Variants in KLC1 observed in about 807,000 individuals in gnomAD.
KLC1 encodes the protein kinesin light chain 1.
In KLC1, 30 loss-of-function variants were observed where a neutral mutation model predicts 84.2. The ratio of observed to expected loss-of-function variants is 0.36; its 90% confidence interval spans 0.27 to 0.48. The LOEUF (loss-of-function observed/expected upper bound fraction) is 0.48. Among genes scored for constraint, KLC1 ranks in the 20% least tolerant of loss-of-function variants. The probability of loss-of-function intolerance (pLI) is 0.99; values close to 1 mark genes in which losing one functional copy is unlikely to be tolerated. For synonymous variants in KLC1, 289 were observed against 293.3 expected (o/e 0.99, Z 0.15); for missense variants, 499 against 805.4 (o/e 0.62, Z 4.60).
At position 103,662,100 on chromosome 14, in the gene KLC1, TG is replaced by T; in HGVS notation, c.493-13del. ...GCACGTGTAAGATGAAGTGTTGTCCTGGGTCTGTTTTATAGGAGGACAAAGA... is the reference window on the plus strand; with the variant it reads ...GCACGTGTAAGATGAAGTGTTGTCCTGGTCTGTTTTATAGGAGGACAAAGA... On this transcript the variant is annotated splice_polypyrimidine_tract_variant and intron_variant, in intron 3 of 16. Coordinates refer to ENST00000334553, the MANE Select transcript of KLC1 (RefSeq NM_001394837.1). 2.5e-6 allele frequency: 4 copies of T among 1,597,024 alleles called. No homozygotes were observed. In the South Asian group the frequency reaches 4.4e-5, roughly 18 times the overall value.
intron 1 of KLC1, among the ~76,000 whole-genome samples, chr14:103,637,550 C>T (rs980851102): frequency 5.9e-5 from 9 of 151,698 alleles, no homozygotes; most frequent in South Asian, 2.1e-4. Context: ...AAGAAATTTT[C>T]GCAGGGTTTA....
In KLC1 at chr14:103,685,027, G is replaced by T. The variant is rs1346280138; in HGVS notation, c.1651-2054G>T. 1.2e-5 allele frequency: 17 copies of T among 1,468,124 alleles called. No individual in the cohort carries two copies. The South Asian group carries it at 2.1e-4, about 18-fold the overall frequency. 90.9% of individuals were successfully genotyped at this position (1,468,124 alleles called of 1,614,324 possible). On this transcript the variant is annotated intron_variant, in intron 13 of 16. Transcript: ENST00000334553. ...TCGGGCTGGTTAACTGACTTGCTCA[G>T]CGTCCCATGGTGAGTCCGAGCGGGC... is the stretch of plus-strand genomic sequence containing the variant.
In KLC1 at chr14:103,673,439, A is replaced by T. The variant is rs781014694; in HGVS notation, c.1261+8A>T. The T allele has an allele frequency of 6.6e-7, 1 of 1,518,386 alleles. No individual in the cohort carries two copies. Among genetic ancestry groups the T allele is most frequent in the East Asian group, 2.3e-5 (1 of 44,068 alleles). The allele number at this position is 1,518,386 out of a possible 1,614,324, so 94.1% of individuals were successfully genotyped here. ...AGTTTGGTTCTGTAGATGGTAAGAA[A>T]TATACTCCCGTTTCAAGTGAATTTA... On this transcript the variant is annotated splice_region_variant and intron_variant, in intron 9 of 16. Coordinates refer to ENST00000334553, the MANE Select transcript of KLC1 (RefSeq NM_001394837.1).
At chr14:103,696,231 C>G in intron 15 of KLC1, 1 of 985,326 alleles carries the variant, frequency 1.0e-6, no homozygotes, top group African/African-American at 1.7e-5. Context: ...AATCAGGCCC[C>G]TGGGGAAGTC....
intron 13 of KLC1, among the ~76,000 whole-genome samples, chr14:103,681,256 G>A (rs2151775224): frequency 6.6e-6 from 1 of 152,290 alleles, no homozygotes; most frequent in Non-Finnish European, 1.5e-5. Flanking sequence ...ATTATCCAGT[G>A]CAGTGGTTCC....
intron 1 of KLC1, among the ~76,000 whole-genome samples, chr14:103,650,844 G>A (rs2078376059): frequency 6.6e-6 from 1 of 151,928 alleles, no homozygotes; most frequent in African/African-American, 2.4e-5. Flanking sequence ...CTCCCAAAGT[G>A]CTGGGATTAC....
intron 13 of KLC1, chr14:103,685,436 G>GT: frequency 8.3e-7 from 1 of 1,205,132 alleles, no homozygotes; most frequent in South Asian, 1.5e-5. Flanking sequence ...TCTGGATTCT[G>GT]TGAAATGCAC....
chr14:103,664,079 C>G (rs901586088), intron 5 of KLC1, among the ~76,000 whole-genome samples: 3 of 152,150 alleles, frequency 2.0e-5, no homozygotes, highest in Non-Finnish European at 1.5e-5. Flanking sequence ...GACTATGCAG[C>G]AGGGTTTCGT....
At position 103,674,898 on chromosome 14, in the gene KLC1, T is replaced by G. The variant is rs191224807; in HGVS notation, c.1262-654T>G. 3.9e-5 allele frequency among the ~76,000 whole-genome samples: 6 copies of G among 152,350 alleles called. No individual in the cohort carries two copies. The East Asian group carries it at 9.6e-4, about 24-fold the overall frequency. On this transcript the variant is annotated intron_variant, in intron 9 of 16. Coordinates refer to ENST00000334553, the MANE Select transcript of KLC1 (RefSeq NM_001394837.1). Reference sequence around the variant, plus strand: ...TGGGGTGTCTTGACAGTTGCTCACCTGTCTCAGGACATTGATTCTGTACCC... The same window carrying G: ...TGGGGTGTCTTGACAGTTGCTCACCGGTCTCAGGACATTGATTCTGTACCC...
At chr14:103,692,469 C>G (rs747069833) in intron 15 of KLC1, 44 bp downstream of exon 15, 2 of 1,506,042 alleles carry the variant, frequency 1.3e-6, no homozygotes, top group Non-Finnish European at 1.8e-6. Flanking sequence ...GCCCAGACCA[C>G]GCTGGCAGGT....
rs762920881 is a variant in KLC1, at chr14:103,701,237, C to A, written c.*38C>A. 6.5e-7 allele frequency: 1 copy of A among 1,547,906 alleles called. No individual in the cohort carries two copies. ...TGGCCCCGCTCCAGGATGGGACTGCCGAGTGTGGCCCGGAGCTGGCCCGGG... is the reference window on the plus strand; with the variant it reads ...TGGCCCCGCTCCAGGATGGGACTGCAGAGTGTGGCCCGGAGCTGGCCCGGG... On this transcript the variant is annotated 3_prime_UTR_variant, in exon 17 of 17. Coordinates refer to ENST00000334553, the MANE Select transcript of KLC1 (RefSeq NM_001394837.1).
intron 15 of KLC1, chr14:103,696,941 G>C (rs926614385): frequency 9.6e-5 from 95 of 985,404 alleles, no homozygotes; most frequent in Non-Finnish European, 1.1e-4. Flanking sequence ...GAGTTCCCTG[G>C]GACGGGAAGC....
chr14:103,653,818 T>G (rs2078646701), intron 1 of KLC1, among the ~76,000 whole-genome samples: 1 of 152,196 alleles, frequency 6.6e-6, no homozygotes, highest in South Asian at 2.1e-4. Context: ...TTTTTAAGAC[T>G]TAGAAAAAAG....
At position 103,701,252 on chromosome 14, in the gene KLC1, G is replaced by A. The variant is rs1481868333; in HGVS notation, c.*53G>A. ...ATGGGACTGCCGAGTGTGGCCCGGA[G>A]CTGGCCCGGGACAGCCAGGGCGGCA... On this transcript the variant is annotated 3_prime_UTR_variant, in exon 17 of 17. Transcript: ENST00000334553. The A allele has an allele frequency of 1.9e-6, 3 of 1,543,512 alleles. No homozygotes were observed. The African/African-American group carries it at 4.1e-5, about 21-fold the overall frequency.
Position 103,671,444 on chromosome 14 carries a change from A to G in KLC1, c.987+1161A>G, listed in dbSNP as rs531699307. On this transcript the variant is annotated intron_variant, in intron 7 of 16. Transcript: ENST00000334553. ...GAGTGCAGTGGCACGATCTCGGCTCACTGCAGCCTTCGCCTCCTGGATTCC... is the reference window on the plus strand; with the variant it reads ...GAGTGCAGTGGCACGATCTCGGCTCGCTGCAGCCTTCGCCTCCTGGATTCC... 2.0e-5 allele frequency among the ~76,000 whole-genome samples: 3 copies of G among 151,808 alleles called. No individual in the cohort carries two copies. In the East Asian group the frequency reaches 5.8e-4, roughly 29 times the overall value.
intron 12 of KLC1, among the ~76,000 whole-genome samples, chr14:103,679,092 A>G (rs2081152148): frequency 6.6e-6 from 1 of 152,182 alleles, no homozygotes; most frequent in Non-Finnish European, 1.5e-5. Context: ...AGTTAAACTT[A>G]GAAAACCACA....
chr14:103,697,253 G>A, intron 15 of KLC1: 1 of 383,358 alleles, frequency 2.6e-6, no homozygotes, highest in Non-Finnish European at 3.6e-6. Flanking sequence ...TAGGGTCATA[G>A]AGAGCCTTGA....
intron 5 of KLC1, among the ~76,000 whole-genome samples, chr14:103,665,116 G>GT (rs1273883100): frequency 6.6e-6 from 1 of 151,054 alleles, no homozygotes; most frequent in Non-Finnish European, 1.5e-5. Context: ...CTTTCAGCTT[G>GT]TTATTTCATC....
intron 15 of KLC1, chr14:103,699,704 C>T (rs1159861643): frequency 2.4e-6 from 2 of 839,256 alleles, no homozygotes; most frequent in South Asian, 1.4e-5. Flanking sequence ...AGTGCCCATA[C>T]TCTGTAGTCC....
Sources: gnomAD v4.1 joint callset for allele counts (sites outside exome capture counted in the v4.1 genomes callset) on GRCh38, gnomAD v4.1.1 for gene constraint, MANE v1.5 for transcripts, NCBI Gene and HGNC (gene_info 2026-07-23, HGNC 2026-07-21) for gene names.